The following SMIM36 variants were observed in gnomAD, a reference collection of about 807,000 sequenced individuals.
The protein encoded by SMIM36 is small integral membrane protein 36.
chr17:55,501,159 A>G (rs867662168), intron 1 of SMIM36, among the ~76,000 whole-genome samples: 1 of 91,284 alleles, frequency 1.1e-5, no homozygotes, highest in Non-Finnish European at 2.1e-5. Flanking sequence ...TTTATAATAT[A>G]TAATATATCT....
intron 1 of SMIM36, among the ~76,000 whole-genome samples, chr17:55,484,002 T>C (rs555150497): frequency 6.6e-6 from 1 of 152,334 alleles, no homozygotes; most frequent in African/African-American, 2.4e-5. Flanking sequence ...ATTAGCTTTG[T>C]TTCTCCAGGG....
intron 1 of SMIM36, among the ~76,000 whole-genome samples, chr17:55,494,246 C>G (rs1909767700): frequency 6.6e-6 from 1 of 152,040 alleles, no homozygotes; most frequent in South Asian, 2.1e-4. Context: ...TTTTGAGGTG[C>G]TTAAGATCCA....
At chr17:55,523,060 C>T in the SMIM36 span, among the ~76,000 whole-genome samples, 1 of 152,122 alleles carries the variant, frequency 6.6e-6, no homozygotes, top group East Asian at 1.9e-4. Flanking sequence ...ATGCTGTGGG[C>T]TGAATTGTGA....
At chr17:55,514,271 T>C (rs1910229747), upstream of SMIM36, among the ~76,000 whole-genome samples, 1 of 152,078 alleles carries the variant, frequency 6.6e-6, no homozygotes, top group African/African-American at 2.4e-5. Context: ...GATGACAGGG[T>C]GACATAGGTA....
chr17:55,514,875 T>A (rs1459853989), upstream of SMIM36, among the ~76,000 whole-genome samples: 1 of 152,182 alleles, frequency 6.6e-6, no homozygotes, highest in Non-Finnish European at 1.5e-5. Context: ...GCTTCCTTGA[T>A]AAAATATGGT....
chr17:55,518,083 GGA>G, the SMIM36 span, among the ~76,000 whole-genome samples: 11 of 152,192 alleles, frequency 7.2e-5, no homozygotes, highest in Admixed American at 2.6e-4. Flanking sequence ...ACTTGAGACT[GGA>G]TAACTTGGCT....
chr17:55,491,824 A>T (rs1909710792), intron 1 of SMIM36, among the ~76,000 whole-genome samples: 1 of 152,240 alleles, frequency 6.6e-6, no homozygotes, highest in African/African-American at 2.4e-5. Context: ...GAGCCACTGC[A>T]TCTGGCTCAG....
intron 4 of SMIM36, among the ~76,000 whole-genome samples, chr17:55,460,436 AAAAC>A (rs1160841299): frequency 5.3e-5 from 5 of 94,304 alleles, no homozygotes; most frequent in Non-Finnish European, 1.3e-4. Flanking sequence ...CTGGAAACAA[AAAAC>A]AAAAAACAAA....
intron 3 of SMIM36, among the ~76,000 whole-genome samples, chr17:55,475,955 C>T (rs1010181693): frequency 7.2e-5 from 11 of 152,252 alleles, no homozygotes; most frequent in African/African-American, 2.2e-4. Flanking sequence ...CCCCTAATCC[C>T]GCTCGAAGCA....
At chr17:55,515,084 G>GTTTTTTTTTTTTTTTTTTTTTTTT (rs1567874075), upstream of SMIM36, among the ~76,000 whole-genome samples, 5 of 56,104 alleles carry the variant, frequency 8.9e-5, 2 homozygotes, top group Non-Finnish European at 2.1e-4. Context: ...TTCTAGTCTA[G>GTTTTTTTTTTTTTTTTTTTTTTTT]TGTTTTTTTT....
At chr17:55,530,723 T>G in the SMIM36 span, among the ~76,000 whole-genome samples, 8 of 151,666 alleles carry the variant, frequency 5.3e-5, no homozygotes, top group Admixed American at 5.3e-4. Context: ...GCAGAGGGTG[T>G]AGTGAGCCGA....
chr17:55,459,484 C>T (rs991061998), intron 4 of SMIM36, among the ~76,000 whole-genome samples: 5 of 152,120 alleles, frequency 3.3e-5, no homozygotes, highest in Admixed American at 2.6e-4. Context: ...GCATAACTAT[C>T]CTTGCCTCAG....
chr17:55,512,351 C>A (rs932859232), upstream of SMIM36, among the ~76,000 whole-genome samples: 2 of 152,194 alleles, frequency 1.3e-5, no homozygotes, highest in South Asian at 4.1e-4. Flanking sequence ...CCAGAAGGCA[C>A]AGGCACTTGT....
intron 3 of SMIM36, among the ~76,000 whole-genome samples, chr17:55,467,707 T>C (rs1435916326): frequency 6.6e-6 from 1 of 152,142 alleles, no homozygotes; most frequent in East Asian, 1.9e-4. Context: ...ACCATATTTT[T>C]AGTTTGATAA....
At chr17:55,458,896 G>A (rs1254506828) in intron 4 of SMIM36, among the ~76,000 whole-genome samples, 1 of 152,144 alleles carries the variant, frequency 6.6e-6, no homozygotes, top group African/African-American at 2.4e-5. Context: ...GCTTCTTCCA[G>A]TACACCAAGG....
chr17:55,459,603 A>G (rs1273961552), intron 4 of SMIM36, among the ~76,000 whole-genome samples: 4 of 152,152 alleles, frequency 2.6e-5, no homozygotes, highest in Non-Finnish European at 4.4e-5. Flanking sequence ...TATATAGTTG[A>G]TTATGCAATT....
chr17:55,488,447 G>T (rs1909644740), intron 1 of SMIM36, among the ~76,000 whole-genome samples: 1 of 152,158 alleles, frequency 6.6e-6, no homozygotes, highest in African/African-American at 2.4e-5. Context: ...ATTTCCCAGG[G>T]TTTAATACTG....
At chr17:55,474,568 C>A (rs1909397002) in intron 3 of SMIM36, among the ~76,000 whole-genome samples, 1 of 152,188 alleles carries the variant, frequency 6.6e-6, no homozygotes, top group African/African-American at 2.4e-5. Context: ...CCACGGCATG[C>A]CCGTATCGGC....
At chr17:55,526,213 G>A in the SMIM36 span, among the ~76,000 whole-genome samples, 1 of 151,920 alleles carries the variant, frequency 6.6e-6, no homozygotes, top group Non-Finnish European at 1.5e-5. Flanking sequence ...GTGCGATCTC[G>A]GCTCACTGCA....
Sources: gnomAD v4.1 joint callset for allele counts (sites outside exome capture counted in the v4.1 genomes callset) on GRCh38, gnomAD v4.1.1 for gene constraint, MANE v1.5 for transcripts, NCBI Gene and HGNC (gene_info 2026-07-23, HGNC 2026-07-21) for gene names.